DPYD: variants seen among roughly 807,000 people sequenced by gnomAD.
DPYD encodes dihydropyrimidine dehydrogenase, also known as dihydropyrimidine dehydrogenase [NADP(+)].
DPYD carries 109 observed loss-of-function variants against 116.2 expected under a neutral mutation model. That is an observed-to-expected ratio of 0.94 (90% CI 0.80 to 1.10). The LOEUF (loss-of-function observed/expected upper bound fraction) is 1.10. Among genes scored for constraint, DPYD ranks in the 50% least tolerant of loss-of-function variants. DPYD has a pLI of 0.00. For synonymous variants in DPYD, 440 were observed against 432.0 expected (o/e 1.02, Z -0.23); for missense variants, 1,302 against 1,254.5 (o/e 1.04, Z -0.57).
intron 14 of DPYD, among the ~76,000 whole-genome samples, chr1:97,406,289 T>TAA (rs11366169): frequency 1.3e-4 from 18 of 143,942 alleles, no homozygotes; most frequent in Admixed American, 7.6e-4. Context: ...TTTTTTTTTT[T>TAA]AAAATTATTA....
chr1:97,453,846 G>A (rs1364665978), intron 13 of DPYD, among the ~76,000 whole-genome samples: 1 of 152,058 alleles, frequency 6.6e-6, no homozygotes, highest in African/African-American at 2.4e-5. Context: ...TAATGAACAG[G>A]AAGTACAAAC....
At chr1:97,917,012 G>C (rs1674251466) in intron 1 of DPYD, among the ~76,000 whole-genome samples, 1 of 152,114 alleles carries the variant, frequency 6.6e-6, no homozygotes, top group South Asian at 2.1e-4. Flanking sequence ...ACACTTTAAA[G>C]TAAAACTATG....
At chr1:97,530,305 C>A (rs951369523) in intron 12 of DPYD, among the ~76,000 whole-genome samples, 1 of 149,574 alleles carries the variant, frequency 6.7e-6, no homozygotes, top group Non-Finnish European at 1.5e-5. Flanking sequence ...GCAAACTCTG[C>A]CTCCCAGGTT....
intron 18 of DPYD, chr1:97,296,161 A>ATTGGTGTTGGTTTTGAG (rs1666515567): frequency 1.5e-5 from 2 of 135,952 alleles, no homozygotes; most frequent in African/African-American, 5.0e-5. Context: ...AAAATAATTC[A>ATTGGTGTTGGTTTTGAG]AAATATTGGT....
intron 8 of DPYD, among the ~76,000 whole-genome samples, chr1:97,675,126 C>A (rs894097665): frequency 1.3e-5 from 2 of 152,124 alleles, no homozygotes; most frequent in East Asian, 3.9e-4. Flanking sequence ...TTGATATGTT[C>A]TATTCTATTA....
intron 8 of DPYD, among the ~76,000 whole-genome samples, chr1:97,622,465 C>CA (rs1163813151): frequency 3.3e-5 from 5 of 151,156 alleles, no homozygotes; most frequent in South Asian, 2.1e-4. Context: ...CCATTGCAAC[C>CA]AAAAAAAAGC....
intron 14 of DPYD, among the ~76,000 whole-genome samples, chr1:97,411,274 C>T (rs1673977842): frequency 6.6e-6 from 1 of 152,166 alleles, no homozygotes; most frequent in Non-Finnish European, 1.5e-5. Context: ...TAATGAAGCT[C>T]AGTGTAAATA....
chr1:97,307,232 T>C (rs1276703366), intron 16 of DPYD, among the ~76,000 whole-genome samples: 1 of 151,938 alleles, frequency 6.6e-6, no homozygotes, highest in Non-Finnish European at 1.5e-5. Context: ...AAGTATGCAA[T>C]AGCAATTCAT....
intron 14 of DPYD, 37 bp from the exon 15 acceptor site, chr1:97,382,498 A>T (rs1672032447): frequency 1.5e-6 from 2 of 1,291,270 alleles, no homozygotes; most frequent in East Asian, 4.8e-5. Context: ...AAGTTCAAGT[A>T]GTTATCCAGT....
At chr1:97,262,640 T>C (rs1272331341) in intron 18 of DPYD, among the ~76,000 whole-genome samples, 1 of 152,096 alleles carries the variant, frequency 6.6e-6, no homozygotes, top group Non-Finnish European at 1.5e-5. Flanking sequence ...TCTACAGAAT[T>C]AGCAGTTTGG....
chr1:97,408,061 G>C (rs906716905), intron 14 of DPYD, among the ~76,000 whole-genome samples: 6 of 152,012 alleles, frequency 3.9e-5, no homozygotes, highest in Non-Finnish European at 8.8e-5. Flanking sequence ...AGATCCCTTA[G>C]GGCATCTCTT....
intron 20 of DPYD, among the ~76,000 whole-genome samples, chr1:97,155,431 A>C (rs11165791): frequency 0.18 from 27,117 of 151,922 alleles, 2,465 homozygotes; most frequent in East Asian, 0.29. Flanking sequence ...CTGAATTTTC[A>C]CTCGAGTCAT....
chr1:97,708,826 G>C (rs1342985174), intron 5 of DPYD, among the ~76,000 whole-genome samples: 2 of 151,720 alleles, frequency 1.3e-5, no homozygotes, highest in Non-Finnish European at 2.9e-5. Flanking sequence ...CAGTTTCATA[G>C]TTTTTCTCAT....
intron 1 of DPYD, among the ~76,000 whole-genome samples, chr1:97,916,091 A>C (rs1674198114): frequency 6.6e-6 from 1 of 152,170 alleles, no homozygotes; most frequent in African/African-American, 2.4e-5. Flanking sequence ...TAGTTAAAGA[A>C]AGGTATGATT....
intron 21 of DPYD, among the ~76,000 whole-genome samples, chr1:97,085,064 A>G (rs290849): frequency 1 from 152,330 of 152,332 alleles, 76,164 homozygotes; most frequent in Non-Finnish European, 1. Flanking sequence ...AAAGTATCTG[A>G]ATATGTGTAA....
At chr1:97,689,111 A>T (rs1347142888) in intron 7 of DPYD, among the ~76,000 whole-genome samples, 2 of 151,480 alleles carry the variant, frequency 1.3e-5, no homozygotes, top group Admixed American at 1.3e-4. Flanking sequence ...GTGGAAGAAA[A>T]ATATGAATAA....
chr1:97,640,280 T>G (rs945331269), intron 8 of DPYD, among the ~76,000 whole-genome samples: 2 of 152,004 alleles, frequency 1.3e-5, no homozygotes, highest in African/African-American at 4.8e-5. Flanking sequence ...TGTAGAAGCA[T>G]TTTTACTTAC....
intron 14 of DPYD, among the ~76,000 whole-genome samples, chr1:97,448,781 A>T (rs1307524239): frequency 6.6e-6 from 1 of 152,070 alleles, no homozygotes; most frequent in Non-Finnish European, 1.5e-5. Context: ...ATTTCTAATA[A>T]GCAGAAACTA....
At chr1:97,346,218 T>G (rs1054721455) in intron 16 of DPYD, among the ~76,000 whole-genome samples, 3 of 151,870 alleles carry the variant, frequency 2.0e-5, no homozygotes, top group Non-Finnish European at 4.4e-5. Context: ...ATCATTCATT[T>G]TTATTGCTAC....
Sources: gnomAD v4.1 joint callset for allele counts (sites outside exome capture counted in the v4.1 genomes callset) on GRCh38, gnomAD v4.1.1 for gene constraint, MANE v1.5 for transcripts, NCBI Gene and HGNC (gene_info 2026-07-23, HGNC 2026-07-21) for gene names.